The following SLC9A7 variants were observed in gnomAD, a reference collection of about 807,000 sequenced individuals.
SLC9A7 encodes solute carrier family 9 member A7, also known as sodium/hydrogen exchanger 7.
Under a neutral mutation model 52.6 loss-of-function variants are expected in SLC9A7, and 19 were observed. The ratio of observed to expected loss-of-function variants is 0.36; its 90% CI spans 0.25 to 0.53. The LOEUF (loss-of-function observed/expected upper bound fraction) is 0.53. Among genes scored for constraint, SLC9A7 ranks in the 20% least tolerant of loss-of-function variants. The pLI is 0.91. For synonymous variants in SLC9A7, 226 were observed against 252.1 expected (o/e 0.90, Z 0.98); for missense variants, 455 against 597.9 (o/e 0.76, Z 2.49).
rs776322805 is a variant in SLC9A7, at chrX:46,606,088, G to A, written c.*864C>T. On this transcript the variant is annotated 3_prime_UTR_variant, in exon 17 of 17. Coordinates refer to ENST00000616978, the MANE Select transcript of SLC9A7 (RefSeq NM_001257291.2). ...GAGAATCACTTGAACCCGTGAGGCA[G>A]AGGTTGCAGTGAGCCAAGACCACGC... 5.9e-6 allele frequency: 1 copy of A among 170,174 alleles called. No individual in the cohort carries two copies. Among genetic ancestry groups the A allele is most frequent in the African/African-American group, 3.2e-5 (1 of 31,524 alleles). The allele number at this position is 170,174 out of a possible 1,213,427, so 14.0% of individuals were successfully genotyped here. A position where few individuals can be genotyped will look rare whatever the true frequency, so the allele number is the denominator to read the frequency against.
chrX:46,724,416 T>C (rs1944911538), intron 1 of SLC9A7, among the ~76,000 whole-genome samples: 2 of 112,340 alleles, frequency 1.8e-5, no homozygotes, highest in Non-Finnish European at 3.8e-5. Flanking sequence ...AGTGGAGTTA[T>C]AGGCTAAAAT....
intron 14 of SLC9A7, among the ~76,000 whole-genome samples, chrX:46,631,329 G>A (rs1434559871): frequency 8.9e-6 from 1 of 111,896 alleles, no homozygotes; most frequent in African/African-American, 3.2e-5. Flanking sequence ...GGAGAGTCAG[G>A]GACTCTTTCT....
At chrX:46,620,570 A>G (rs1602140553) in intron 15 of SLC9A7, among the ~76,000 whole-genome samples, 1 of 112,147 alleles carries the variant, frequency 8.9e-6, no homozygotes, top group East Asian at 2.8e-4. Context: ...CAGATCATAC[A>G]AGATCAGACT....
chrX:46,682,959 A>ATTTTTTTTTTTT (rs1276924527), intron 1 of SLC9A7, among the ~76,000 whole-genome samples: 6 of 62,461 alleles, frequency 9.6e-5, no homozygotes, highest in African/African-American at 3.1e-4. Flanking sequence ...ACACCCGGCT[A>ATTTTTTTTTTTT]ATTTTTTTTT....
rs149414699 is a variant in SLC9A7, at chrX:46,612,565, T to C, written c.1929+724A>G. Among the ~76,000 whole-genome samples the C allele has an allele frequency of 1.7e-3, 195 of 111,795 alleles. 3 individuals carry two copies. In the South Asian group the frequency reaches 0.035, roughly 20 times the overall value. ...CTTGCATGCTTTGTGGTTCAGTGTA[T>C]CTTCATGTATTTCATCATTTAATGC... is the stretch of plus-strand genomic sequence containing the variant. On this transcript the variant is annotated intron_variant, in intron 16 of 16. Coordinates refer to ENST00000616978, the MANE Select transcript of SLC9A7 (RefSeq NM_001257291.2).
intron 1 of SLC9A7, among the ~76,000 whole-genome samples, chrX:46,754,452 G>T (rs782309988): frequency 8.9e-6 from 1 of 111,985 alleles, no homozygotes; most frequent in East Asian, 2.8e-4. Flanking sequence ...AAAGTGAGGG[G>T]CTCTTAAAAG....
At chrX:46,612,221 C>G (rs963848283) in intron 16 of SLC9A7, among the ~76,000 whole-genome samples, 2 of 112,164 alleles carry the variant, frequency 1.8e-5, no homozygotes, top group Admixed American at 9.5e-5. Context: ...TAGAGCTGTA[C>G]GCAAATTTTA....
At position 46,605,432 on chromosome X, in the gene SLC9A7, G is replaced by A. The variant is rs1360562851; in HGVS notation, c.*1520C>T. The stretch of plus-strand genomic sequence containing the variant: ...CTTTCAAATCACACCCACATGTTAA[G>A]CTGGTGCAGCAGCCTCCCCAGATAC... On this transcript the variant is annotated 3_prime_UTR_variant, in exon 17 of 17. Coordinates refer to ENST00000616978, the MANE Select transcript of SLC9A7 (RefSeq NM_001257291.2). The A allele has an allele frequency of 9.0e-6, 1 of 111,333 alleles. No individual in the cohort carries two copies. Among genetic ancestry groups the A allele is most frequent in the African/African-American group, 3.3e-5 (1 of 30,624 alleles). 9.2% of individuals were successfully genotyped at this position (111,333 alleles called of 1,213,427 possible).
At chrX:46,623,528 C>T (rs1436078199) in intron 14 of SLC9A7, among the ~76,000 whole-genome samples, 2 of 110,988 alleles carry the variant, frequency 1.8e-5, no homozygotes, top group African/African-American at 3.3e-5. Context: ...GTTTCAAAAG[C>T]GACATAGCAC....
chrX:46,748,879 T>C lies in SLC9A7; in HGVS notation c.325+9826A>G, dbSNP rs185162779. On this transcript the variant is annotated intron_variant, in intron 1 of 16. Transcript: ENST00000616978. Reference sequence around the variant, plus strand: ...TCTTTGGAAATAGTGGAGATGGCCATAAAACTTTGTGAATATTATAAATGT... The same window carrying C: ...TCTTTGGAAATAGTGGAGATGGCCACAAAACTTTGTGAATATTATAAATGT... 5.8e-4 allele frequency among the ~76,000 whole-genome samples: 64 copies of C among 110,000 alleles called. 1 individual carries two copies. In the East Asian group the frequency reaches 0.017, roughly 30 times the overall value.
intron 1 of SLC9A7, among the ~76,000 whole-genome samples, chrX:46,718,361 C>G (rs1300873537): frequency 2.7e-5 from 3 of 111,987 alleles, no homozygotes; most frequent in African/African-American, 6.5e-5. Context: ...AAAACCTAGG[C>G]AATACCATTC....
Position 46,606,436 on chromosome X carries a change from G to A in SLC9A7, c.*516C>T, listed in dbSNP as rs1222263508. ...ATGAGGTTGCAGTCAAGCAGACTTC[G>A]TTGCCAGAGCCTCCAAATTGCTTTT... On this transcript the variant is annotated 3_prime_UTR_variant, in exon 17 of 17. Coordinates refer to ENST00000616978, the MANE Select transcript of SLC9A7 (RefSeq NM_001257291.2). 1.5e-5 allele frequency: 11 copies of A among 755,516 alleles called. No individual in the cohort carries two copies. Among genetic ancestry groups the A allele is most frequent in the Non-Finnish European group, 1.7e-5 (11 of 640,837 alleles). The allele number at this position is 755,516 out of a possible 1,213,427, so 62.3% of individuals were successfully genotyped here.
chrX:46,712,905 A>G (rs1038154239), intron 1 of SLC9A7, among the ~76,000 whole-genome samples: 2 of 112,058 alleles, frequency 1.8e-5, no homozygotes, highest in African/African-American at 6.5e-5. Flanking sequence ...ACAGCAAGCC[A>G]CTTAAAATAG....
intron 10 of SLC9A7, among the ~76,000 whole-genome samples, chrX:46,650,522 C>G (rs1425940744): frequency 1.8e-5 from 2 of 109,610 alleles, no homozygotes; most frequent in Admixed American, 9.7e-5. Flanking sequence ...GAGAAAGAGT[C>G]TTTCCCACCA....
chrX:46,721,407 T>C (rs1007184117), intron 1 of SLC9A7, among the ~76,000 whole-genome samples: 3 of 112,093 alleles, frequency 2.7e-5, no homozygotes, highest in African/African-American at 9.7e-5. Flanking sequence ...TCGGTCATAT[T>C]ACCCTGGATA....
chrX:46,622,780 A>C (rs1943066950), intron 14 of SLC9A7, among the ~76,000 whole-genome samples: 1 of 111,990 alleles, frequency 8.9e-6, no homozygotes, highest in East Asian at 2.8e-4. Context: ...TATAAGCCCC[A>C]AAAAAGACAA....
chrX:46,649,194 C>A (rs1943544153), intron 10 of SLC9A7, among the ~76,000 whole-genome samples: 1 of 111,489 alleles, frequency 9.0e-6, no homozygotes, highest in African/African-American at 3.3e-5. Flanking sequence ...GTGTGTTGGG[C>A]TCTACTAAAA....
chrX:46,655,841 C>T (rs973785907), intron 7 of SLC9A7, among the ~76,000 whole-genome samples: 11 of 112,603 alleles, frequency 9.8e-5, no homozygotes, highest in South Asian at 3.6e-4. Flanking sequence ...ACAAAGCAGC[C>T]GGGAAGCTCG....
intron 1 of SLC9A7, among the ~76,000 whole-genome samples, chrX:46,707,930 G>A (rs990743281): frequency 9.0e-6 from 1 of 111,455 alleles, no homozygotes; most frequent in African/African-American, 3.3e-5. Flanking sequence ...AGTAGAGAAG[G>A]GGTTTCACCA....
Sources: allele counts gnomAD v4.1 joint callset (sites outside exome capture counted in the v4.1 genomes callset), GRCh38; gene constraint gnomAD v4.1.1; transcripts MANE v1.5; gene names NCBI Gene and HGNC (gene_info 2026-07-23, HGNC 2026-07-21).